CDKAL1: variants seen among roughly 807,000 people sequenced by gnomAD.
CDKAL1 encodes threonylcarbamoyladenosine tRNA methylthiotransferase.
Under a neutral mutation model 68.2 loss-of-function variants are expected in CDKAL1, and 32 were observed. The ratio of observed to expected loss-of-function variants is 0.47; its 90% CI spans 0.35 to 0.63. CDKAL1 has a LOEUF of 0.63. Among genes scored for constraint, CDKAL1 ranks in the 30% least tolerant of loss-of-function variants. The pLI is 0.00. For missense variants in CDKAL1, 606 were observed against 696.7 expected (o/e 0.87, Z 1.47); for synonymous variants, 234 against 244.3 (o/e 0.96, Z 0.39).
At chr6:21,035,003 G>A (rs1769495523) in intron 11 of CDKAL1, among the ~76,000 whole-genome samples, 4 of 152,122 alleles carry the variant, frequency 2.6e-5, no homozygotes, top group African/African-American at 9.7e-5. Flanking sequence ...CATATCTCAT[G>A]TGAAGAGATA....
intron 9 of CDKAL1, among the ~76,000 whole-genome samples, chr6:20,939,158 G>GGGGGT (rs1023814551): frequency 1.3e-5 from 2 of 152,154 alleles, no homozygotes; most frequent in African/African-American, 4.8e-5. Context: ...CGTTCTATTT[G>GGGGGT]GGGGTGGGGT....
intron 9 of CDKAL1, among the ~76,000 whole-genome samples, chr6:20,873,223 A>G (rs1760316082): frequency 6.6e-6 from 1 of 152,188 alleles, no homozygotes; most frequent in African/African-American, 2.4e-5. Context: ...TAGGAACTTA[A>G]GAGAGCATTT....
chr6:21,092,207 CT>C (rs796849783), intron 12 of CDKAL1, among the ~76,000 whole-genome samples: 426 of 32,088 alleles, frequency 0.013, 2 homozygotes, highest in East Asian at 0.057. Context: ...TTTCAATCAG[CT>C]TTTTTTTTTT....
At chr6:21,001,313 A>C (rs9368267) in intron 11 of CDKAL1, among the ~76,000 whole-genome samples, 70,922 of 152,122 alleles carry the variant, frequency 0.47, 17,949 homozygotes, top group East Asian at 0.85. Context: ...GCTTTATACA[A>C]ATTGTAAGCA....
intron 4 of CDKAL1, among the ~76,000 whole-genome samples, chr6:20,640,796 C>T (rs1242190745): frequency 6.6e-6 from 1 of 152,178 alleles, no homozygotes; most frequent in African/African-American, 2.4e-5. Flanking sequence ...CCAACCCTCT[C>T]ACCGTGTGAT....
At chr6:20,658,724 C>T (rs1275638444) in intron 5 of CDKAL1, among the ~76,000 whole-genome samples, 5 of 152,064 alleles carry the variant, frequency 3.3e-5, no homozygotes, top group African/African-American at 1.2e-4. Context: ...TAGTAATTAT[C>T]CAGTTTAAAA....
intron 13 of CDKAL1, among the ~76,000 whole-genome samples, chr6:21,147,526 C>T (rs550595604): frequency 6.6e-6 from 1 of 152,286 alleles, no homozygotes; most frequent in African/African-American, 2.4e-5. Flanking sequence ...ACTGTTAATT[C>T]ACAAGAGCCT....
At chr6:21,153,409 C>T (rs1582312131) in intron 13 of CDKAL1, among the ~76,000 whole-genome samples, 2 of 152,176 alleles carry the variant, frequency 1.3e-5, no homozygotes, top group East Asian at 3.9e-4. Flanking sequence ...ACATATGTGA[C>T]ATTCATTCAA....
At chr6:20,949,782 G>A (rs531247896) in intron 9 of CDKAL1, among the ~76,000 whole-genome samples, 4 of 151,414 alleles carry the variant, frequency 2.6e-5, no homozygotes, top group East Asian at 2.0e-4. Context: ...CAGTGGTCGC[G>A]AAAGTTTTCT....
intron 12 of CDKAL1, 28 bp downstream of exon 12, chr6:21,065,256 T>C: frequency 1.3e-6 from 2 of 1,568,092 alleles, no homozygotes; most frequent in Non-Finnish European, 1.7e-6. Flanking sequence ...TAAGGTATTG[T>C]TTTTTGCCAG....
At chr6:21,048,580 T>G (rs1770373338) in intron 11 of CDKAL1, among the ~76,000 whole-genome samples, 1 of 152,200 alleles carries the variant, frequency 6.6e-6, no homozygotes. Flanking sequence ...CAATTGCACT[T>G]TAGGATGACA....
chr6:20,780,099 T>TAAAAAAAA (rs745598145), intron 7 of CDKAL1, among the ~76,000 whole-genome samples: 3 of 89,168 alleles, frequency 3.4e-5, no homozygotes, highest in African/African-American at 8.2e-5. Flanking sequence ...AACCTAACCT[T>TAAAAAAAA]AAAAAAAAAA....
chr6:21,080,073 ATTC>A (rs1216494036), intron 12 of CDKAL1, among the ~76,000 whole-genome samples: 4 of 140,756 alleles, frequency 2.8e-5, no homozygotes, highest in African/African-American at 7.9e-5. Flanking sequence ...TGATTGGATC[ATTC>A]TTTTTTTTTT....
At chr6:21,052,736 G>A (rs1020007488) in intron 11 of CDKAL1, among the ~76,000 whole-genome samples, 1 of 151,884 alleles carries the variant, frequency 6.6e-6, no homozygotes, top group African/African-American at 2.4e-5. Context: ...CTTCTTGGCC[G>A]GGTGCAGTTG....
Position 21,230,894 on chromosome 6 carries a change from C to T in CDKAL1, c.1595C>T (p.Thr532Ile). 1 of 1,613,758 alleles carries T rather than the reference C, an allele frequency of 6.2e-7. No homozygotes were observed. The highest frequency in any genetic ancestry group is 8.5e-7 in the Non-Finnish European group (1 of 1,179,706). The stretch of plus-strand genomic sequence containing the variant: ...AACCAGCTGAGTTCAGGATCCCACA[C>T]CTCTGCTGCATCTCAGTGTGACTCA... ...LGNQLSSGSH[T>I]SAASQCDSAS... Residue 532 changes from threonine to isoleucine, a missense_variant, in exon 16 of 16, where the codon ACC becomes ATC. By Grantham distance (89) the Thr-to-Ile change is moderately conservative (BLOSUM62 -1). Transcript: ENST00000274695.
At chr6:21,074,942 G>GTGTT (rs1771983478) in intron 12 of CDKAL1, among the ~76,000 whole-genome samples, 1 of 151,698 alleles carries the variant, frequency 6.6e-6, no homozygotes, top group African/African-American at 2.4e-5. Flanking sequence ...AAATGTAGTG[G>GTGTT]TGTTTTTTTT....
chr6:20,680,517 T>C (rs1770326866), intron 5 of CDKAL1, among the ~76,000 whole-genome samples: 1 of 152,262 alleles, frequency 6.6e-6, no homozygotes, highest in Admixed American at 6.5e-5. Context: ...CTGTTAGCAA[T>C]GTTTGATTCC....
intron 8 of CDKAL1, among the ~76,000 whole-genome samples, chr6:20,823,712 C>T (rs779008442): frequency 7.3e-4 from 111 of 152,114 alleles, no homozygotes; most frequent in Non-Finnish European, 1.3e-3. Context: ...TCAAATAACT[C>T]TTCGGTGAAC....
intron 9 of CDKAL1, among the ~76,000 whole-genome samples, chr6:20,859,685 A>G (rs1430380596): frequency 2.6e-5 from 4 of 152,252 alleles, no homozygotes; most frequent in Non-Finnish European, 4.4e-5. Context: ...TTGGACTAGA[A>G]GATTAAGCAG....
Sources: gnomAD v4.1 joint callset for allele counts (sites outside exome capture counted in the v4.1 genomes callset) on GRCh38, gnomAD v4.1.1 for gene constraint, MANE v1.5 for transcripts, NCBI Gene and HGNC (gene_info 2026-07-23, HGNC 2026-07-21) for gene names.